HHAT: variants seen among roughly 807,000 people sequenced by gnomAD.
HHAT encodes hedgehog acyltransferase.
In HHAT, 47 loss-of-function variants were observed where a neutral mutation model predicts 70.8. The ratio of observed to expected loss-of-function variants is 0.66; its 90% confidence interval spans 0.53 to 0.85. The LOEUF (loss-of-function observed/expected upper bound fraction) is 0.85, where lower values mean the gene tolerates loss of function less well. Among genes scored for constraint, HHAT ranks in the 40% least tolerant of loss-of-function variants. The pLI is 0.00. For missense variants in HHAT, 609 were observed against 604.8 expected (o/e 1.01, Z -0.07); for synonymous variants, 228 against 247.6 (o/e 0.92, Z 0.74).
intron 9 of HHAT, among the ~76,000 whole-genome samples, chr1:210,575,493 C>A (rs1198194855): frequency 2.0e-5 from 3 of 152,138 alleles, no homozygotes; most frequent in African/African-American, 7.2e-5. Flanking sequence ...CCAGAATAGA[C>A]CTGGGCCTGG....
chr1:210,375,908 G>C (rs1234563766), intron 3 of HHAT, among the ~76,000 whole-genome samples: 1 of 150,992 alleles, frequency 6.6e-6, no homozygotes, highest in Non-Finnish European at 1.5e-5. Context: ...CTGGAGTGCA[G>C]TGGCACAATC....
At chr1:210,479,071 T>TC (rs1296906966) in intron 8 of HHAT, among the ~76,000 whole-genome samples, 2 of 152,122 alleles carry the variant, frequency 1.3e-5, no homozygotes, top group Non-Finnish European at 2.9e-5. Flanking sequence ...TGTCAGCTGT[T>TC]CCCGGGCAAG....
intron 7 of HHAT, among the ~76,000 whole-genome samples, chr1:210,462,022 C>G (rs2093989436): frequency 6.6e-6 from 1 of 152,148 alleles, no homozygotes; most frequent in South Asian, 2.1e-4. Context: ...TATGAAAGTA[C>G]TAACAAATAG....
At chr1:210,483,550 T>C (rs1333805410) in intron 8 of HHAT, among the ~76,000 whole-genome samples, 1 of 152,102 alleles carries the variant, frequency 6.6e-6, no homozygotes, top group East Asian at 1.9e-4. Flanking sequence ...TTCTGTGTAT[T>C]TGTGGGGTAA....
chr1:210,660,175 C>G (rs1677348134), intron 11 of HHAT, among the ~76,000 whole-genome samples: 1 of 152,206 alleles, frequency 6.6e-6, no homozygotes, highest in South Asian at 2.1e-4. Context: ...CCCATTGTCT[C>G]AGCCGAAAAT....
intron 11 of HHAT, among the ~76,000 whole-genome samples, chr1:210,645,057 G>A (rs1573965786): frequency 6.6e-6 from 1 of 152,102 alleles, no homozygotes; most frequent in African/African-American, 2.4e-5. Context: ...AATATATTTA[G>A]TCCTCACAAA....
chr1:210,475,171 C>T (rs994375242), intron 8 of HHAT, among the ~76,000 whole-genome samples: 1 of 152,090 alleles, frequency 6.6e-6, no homozygotes, highest in African/African-American at 2.4e-5. Flanking sequence ...CACCCCAGTT[C>T]TTATTAACTA....
chr1:210,358,705 C>T (rs377416492), intron 2 of HHAT, among the ~76,000 whole-genome samples: 3 of 152,240 alleles, frequency 2.0e-5, no homozygotes, highest in East Asian at 3.9e-4. Context: ...ATAGAAACAG[C>T]GGGGCACGTG....
At chr1:210,646,921 T>A (rs1674171851) in intron 11 of HHAT, among the ~76,000 whole-genome samples, 1 of 152,234 alleles carries the variant, frequency 6.6e-6, no homozygotes, top group Non-Finnish European at 1.5e-5. Context: ...CATCCCCAGC[T>A]ATTCCAATTT....
intron 7 of HHAT, among the ~76,000 whole-genome samples, chr1:210,422,617 G>A (rs954720269): frequency 6.6e-6 from 1 of 152,092 alleles, no homozygotes; most frequent in Non-Finnish European, 1.5e-5. Flanking sequence ...GTATTCCATG[G>A]TGTAAAAATA....
At chr1:210,364,873 C>T (rs1267905507) in intron 3 of HHAT, among the ~76,000 whole-genome samples, 1 of 152,210 alleles carries the variant, frequency 6.6e-6, no homozygotes, top group Non-Finnish European at 1.5e-5. Flanking sequence ...CAGACACACA[C>T]ACTCTGGGAG....
intron 8 of HHAT, among the ~76,000 whole-genome samples, chr1:210,508,644 T>C (rs2094903543): frequency 6.6e-6 from 1 of 152,152 alleles, no homozygotes; most frequent in African/African-American, 2.4e-5. Context: ...AAGAGCAGCT[T>C]TATGAACCAC....
intron 4 of HHAT, 78 bp from the exon 5 acceptor site, chr1:210,400,390 C>A: frequency 7.6e-7 from 1 of 1,310,022 alleles, no homozygotes; most frequent in East Asian, 2.5e-5. Flanking sequence ...ATATCACTTC[C>A]ATGAGCTCAC....
intron 3 of HHAT, among the ~76,000 whole-genome samples, chr1:210,385,405 C>T (rs2090971991): frequency 6.6e-6 from 1 of 152,074 alleles, no homozygotes; most frequent in Non-Finnish European, 1.5e-5. Context: ...TTAATTGACT[C>T]TTGGCTAATT....
chr1:210,437,379 G>C (rs977016671), intron 7 of HHAT, among the ~76,000 whole-genome samples: 2 of 151,856 alleles, frequency 1.3e-5, no homozygotes, highest in African/African-American at 2.4e-5. Flanking sequence ...CAGACACGTT[G>C]GTGAATTTGG....
At chr1:210,637,867 A>G (rs1417056052) in intron 11 of HHAT, among the ~76,000 whole-genome samples, 2 of 130,618 alleles carry the variant, frequency 1.5e-5, no homozygotes, top group African/African-American at 5.4e-5. Flanking sequence ...TCAAAAAAAA[A>G]AAAAGGGGGG....
At chr1:210,436,828 A>T (rs2093388123) in intron 7 of HHAT, among the ~76,000 whole-genome samples, 1 of 151,810 alleles carries the variant, frequency 6.6e-6, no homozygotes, top group South Asian at 2.1e-4. Context: ...CTCAGCTTGT[A>T]CTATAACTCC....
intron 7 of HHAT, among the ~76,000 whole-genome samples, chr1:210,451,824 CTGGCT>C (rs2093762113): frequency 2.0e-5 from 3 of 152,180 alleles, no homozygotes; most frequent in Admixed American, 6.5e-5. Context: ...AGTGATCTTC[CTGGCT>C]CAGCCTCCCA....
rs542463933 is a variant in HHAT at position 210,417,896 on chromosome 1, G to A, written c.685-258G>A. ...GGCTGATGCTGGAGTGGAGGGATCAGTGCAGAACGTGTCTTTGGCTCTTGG... is the reference window on the plus strand; with the variant it reads ...GGCTGATGCTGGAGTGGAGGGATCAATGCAGAACGTGTCTTTGGCTCTTGG... On this transcript the variant is annotated intron_variant, in intron 6 of 11. Transcript: ENST00000261458. 1.8e-3 allele frequency among the ~76,000 whole-genome samples: 276 copies of A among 152,224 alleles called. 4 individuals are homozygous for A. The highest frequency in any genetic ancestry group is 1.2e-3 in the Non-Finnish European group (84 of 68,018).
Sources: allele counts gnomAD v4.1 joint callset (sites outside exome capture counted in the v4.1 genomes callset), GRCh38; gene constraint gnomAD v4.1.1; transcripts MANE v1.5; gene names NCBI Gene and HGNC (gene_info 2026-07-23, HGNC 2026-07-21).